The following STEAP1B variants were observed in gnomAD, a reference collection of about 807,000 sequenced individuals.
STEAP1B encodes STEAP family protein MGC87042.
A neutral mutation model predicts 27.9 loss-of-function variants in STEAP1B; 13 were observed. The observed-to-expected ratio is 0.47, with a 90% CI of 0.30 to 0.74. STEAP1B has a LOEUF of 0.74. STEAP1B is among the 30% of genes least tolerant of loss of function. STEAP1B has a pLI of 0.06. For missense variants in STEAP1B, 250 were observed against 298.7 expected, an observed-to-expected ratio of 0.84 and a Z score of 1.20; for synonymous variants, 86 against 107.1, an observed-to-expected ratio of 0.80 and a Z score of 1.22.
chr7:22,423,799 C>T (rs919098241), intron 4 of STEAP1B, among the ~76,000 whole-genome samples: 2 of 152,166 alleles, frequency 1.3e-5, no homozygotes, highest in African/African-American at 2.4e-5. Flanking sequence ...GAGGCCAAGG[C>T]GGGCAAATCG....
At chr7:22,444,216 G>A (rs1785375151) in intron 4 of STEAP1B, among the ~76,000 whole-genome samples, 1 of 152,182 alleles carries the variant, frequency 6.6e-6, no homozygotes, top group South Asian at 2.1e-4. Flanking sequence ...CTGCTGCAAA[G>A]GAGTGAGGGT....
intron 4 of STEAP1B, among the ~76,000 whole-genome samples, chr7:22,429,061 C>T (rs1785145145): frequency 6.6e-6 from 1 of 152,120 alleles, no homozygotes; most frequent in Non-Finnish European, 1.5e-5. Flanking sequence ...TAACAGAAAA[C>T]CTTATACACT....
chr7:22,473,834 G>A (rs936113595), intron 4 of STEAP1B, among the ~76,000 whole-genome samples: 3 of 152,172 alleles, frequency 2.0e-5, no homozygotes, highest in Non-Finnish European at 4.4e-5. Flanking sequence ...GCAGTCTGGA[G>A]CTGTGATGGT....
chr7:22,421,959 T>A (rs142201731), intron 4 of STEAP1B, among the ~76,000 whole-genome samples: 176 of 152,364 alleles, frequency 1.2e-3, no homozygotes, highest in African/African-American at 4.2e-3. Context: ...ATTATCACAA[T>A]TAACTTTGAA....
At chr7:22,422,437 AACG>A (rs1343655416) in intron 4 of STEAP1B, among the ~76,000 whole-genome samples, 1 of 152,228 alleles carries the variant, frequency 6.6e-6, no homozygotes, top group South Asian at 2.1e-4. Context: ...CTTGAGCAAC[AACG>A]TCACTGGAAT....
intron 4 of STEAP1B, among the ~76,000 whole-genome samples, chr7:22,447,945 G>C (rs1280650562): frequency 2.0e-5 from 3 of 152,188 alleles, no homozygotes; most frequent in Non-Finnish European, 4.4e-5. Flanking sequence ...TGAAGGCATT[G>C]GATAAACGTC....
At chr7:22,486,004 C>A (rs1022171128) in intron 4 of STEAP1B, among the ~76,000 whole-genome samples, 5 of 152,270 alleles carry the variant, frequency 3.3e-5, no homozygotes, top group Admixed American at 1.3e-4. Context: ...GCCTGGCATA[C>A]GTAAGCCTGC....
intron 4 of STEAP1B, among the ~76,000 whole-genome samples, chr7:22,451,415 T>C (rs1305896294): frequency 6.6e-6 from 1 of 152,218 alleles, no homozygotes; most frequent in East Asian, 1.9e-4. Flanking sequence ...CCGATTGCTC[T>C]AGCTAGGACT....
At chr7:22,486,926 G>A (rs960583870) in intron 4 of STEAP1B, among the ~76,000 whole-genome samples, 3 of 152,144 alleles carry the variant, frequency 2.0e-5, no homozygotes, top group African/African-American at 7.2e-5. Context: ...TCCCCAGGAA[G>A]GTGTCCGTAA....
intron 4 of STEAP1B, among the ~76,000 whole-genome samples, chr7:22,438,948 A>T (rs915522726): frequency 2.0e-5 from 3 of 150,650 alleles, no homozygotes; most frequent in Non-Finnish European, 4.4e-5. Flanking sequence ...GCTGAATAAA[A>T]CAAAAAAAAG....
At chr7:22,472,928 G>C (rs777218908) in intron 4 of STEAP1B, among the ~76,000 whole-genome samples, 4 of 152,254 alleles carry the variant, frequency 2.6e-5, no homozygotes, top group Admixed American at 6.5e-5. Flanking sequence ...TCATAAAATG[G>C]AGAGGATGAT....
chr7:22,481,836 A>C (rs6968662), intron 4 of STEAP1B, among the ~76,000 whole-genome samples: 6,665 of 152,316 alleles, frequency 0.044, 471 homozygotes, highest in African/African-American at 0.15. Flanking sequence ...CATTGCTCTT[A>C]GGACTAAAGT....
intron 4 of STEAP1B, among the ~76,000 whole-genome samples, chr7:22,427,865 A>C (rs999511140): frequency 6.6e-6 from 1 of 152,250 alleles, no homozygotes; most frequent in African/African-American, 2.4e-5. Flanking sequence ...GAGAAATAGT[A>C]GAAATCAAAG....
At chr7:22,485,395 A>AT (rs936574644) in intron 4 of STEAP1B, among the ~76,000 whole-genome samples, 30 of 152,332 alleles carry the variant, frequency 2.0e-4, no homozygotes, top group Non-Finnish European at 3.8e-4. Context: ...GATTATCAGC[A>AT]TTTTTTTAGC....
chr7:22,431,207 C>T (rs767907094), intron 4 of STEAP1B, among the ~76,000 whole-genome samples: 1 of 152,148 alleles, frequency 6.6e-6, no homozygotes, highest in Middle Eastern at 3.2e-3. Flanking sequence ...GTGACAACAC[C>T]AAAGATACAG....
At chr7:22,437,150 G>C (rs1785265768) in intron 4 of STEAP1B, among the ~76,000 whole-genome samples, 1 of 152,150 alleles carries the variant, frequency 6.6e-6, no homozygotes, top group African/African-American at 2.4e-5. Context: ...AAATTCACAA[G>C]CTAATTTTAA....
chr7:22,453,755 T>C (rs537648480), intron 4 of STEAP1B, among the ~76,000 whole-genome samples: 3 of 152,248 alleles, frequency 2.0e-5, no homozygotes, highest in Admixed American at 6.5e-5. Flanking sequence ...TCCATTGACA[T>C]AGAGTTGTTA....
chr7:22,424,242 A>G (rs553031834), intron 4 of STEAP1B, among the ~76,000 whole-genome samples: 1 of 152,318 alleles, frequency 6.6e-6, no homozygotes, highest in Non-Finnish European at 1.5e-5. Context: ...TAAATTGACA[A>G]TAACACTTGC....
At chr7:22,463,347 G>A (rs1785712857) in intron 4 of STEAP1B, among the ~76,000 whole-genome samples, 1 of 152,088 alleles carries the variant, frequency 6.6e-6, no homozygotes, top group African/African-American at 2.4e-5. Flanking sequence ...TCATGGGTAG[G>A]AAGAATCAAT....
Sources: allele counts gnomAD v4.1 joint callset (sites outside exome capture counted in the v4.1 genomes callset), GRCh38; gene constraint gnomAD v4.1.1; transcripts MANE v1.5; gene names NCBI Gene and HGNC (gene_info 2026-07-23, HGNC 2026-07-21).